FAM153A: variants seen among roughly 807,000 people sequenced by gnomAD.
The protein encoded by FAM153A is protein FAM153A.
In FAM153A, 12 loss-of-function variants were observed where a neutral mutation model predicts 48.1. That is an observed-to-expected ratio of 0.25 (90% CI 0.16 to 0.40). The LOEUF (loss-of-function observed/expected upper bound fraction) is 0.40, where lower values mean the gene tolerates loss of function less well. Ranked by LOEUF, FAM153A falls within the 10% of genes least tolerant of loss-of-function variation. The pLI is 1.00. For synonymous variants in FAM153A, 36 were observed against 118.2 expected (o/e 0.30, Z 4.51); for missense variants, 111 against 345.8 (o/e 0.32, Z 5.38).
intron 1 of FAM153A, among the ~76,000 whole-genome samples, chr5:177,772,654 A>C (rs1469114762): frequency 1.5e-4 from 2 of 13,410 alleles, no homozygotes; most frequent in African/African-American, 5.1e-4. Flanking sequence ...TCTGAGATCA[A>C]ACTGCAAGGC....
downstream of FAM153A, among the ~76,000 whole-genome samples, chr5:177,706,481 G>A (rs1470374355): frequency 1.3e-5 from 2 of 151,984 alleles, no homozygotes; most frequent in Non-Finnish European, 2.9e-5. Flanking sequence ...TTACAGGCGT[G>A]AGCCACTGCG....
At chr5:177,718,431 A>G (rs2127574835), downstream of FAM153A, 1 of 123,200 alleles carries the variant, frequency 8.1e-6, no homozygotes, top group African/African-American at 2.8e-5. Context: ...CTGAAAAGCC[A>G]TTAAGACTGT....
chr5:177,709,188 A>C (rs535726732), downstream of FAM153A, among the ~76,000 whole-genome samples: 40 of 141,740 alleles, frequency 2.8e-4, no homozygotes, highest in Non-Finnish European at 2.4e-4. Context: ...GACATTTTCT[A>C]GTACTGCATT....
chr5:177,704,757 T>G (rs1360140673), downstream of FAM153A, among the ~76,000 whole-genome samples: 1 of 151,708 alleles, frequency 6.6e-6, no homozygotes, highest in South Asian at 2.1e-4. Context: ...CTGAGCACTT[T>G]GGGAGGCTGA....
At chr5:177,768,407 T>C (rs1768879843) in intron 1 of FAM153A, among the ~76,000 whole-genome samples, 1 of 151,136 alleles carries the variant, frequency 6.6e-6, no homozygotes, top group African/African-American at 2.4e-5. Flanking sequence ...CTCTCCAGAG[T>C]CTCCTGAATG....
downstream of FAM153A, among the ~76,000 whole-genome samples, chr5:177,705,481 C>T (rs1284242958): frequency 3.3e-5 from 5 of 151,418 alleles, no homozygotes; most frequent in East Asian, 7.7e-4. Context: ...GCCAATTAAA[C>T]CTCTTGTCTT....
At chr5:177,753,263 T>A, upstream of FAM153A, 2 of 1,524,576 alleles carry the variant, frequency 1.3e-6, no homozygotes, top group Non-Finnish European at 1.8e-6. Flanking sequence ...GTTGCCAGAA[T>A]GGCAGTTAAA....
At chr5:177,726,092 CAGTG>C (rs1256418839) in intron 18 of FAM153A, among the ~76,000 whole-genome samples, 5 of 142,156 alleles carry the variant, frequency 3.5e-5, no homozygotes, top group African/African-American at 1.4e-4. Context: ...CAGGAGCAGA[CAGTG>C]AGGACAGGAC....
At chr5:177,697,930 C>A in the FAM153A span, among the ~76,000 whole-genome samples, 1 of 137,016 alleles carries the variant, frequency 7.3e-6, no homozygotes, top group East Asian at 2.1e-4. Flanking sequence ...TAAGTTGATA[C>A]CAGCCTGTGG....
chr5:177,722,000 A>C (rs1159042848), downstream of FAM153A: 1 of 151,780 alleles, frequency 6.6e-6, no homozygotes, highest in Non-Finnish European at 1.5e-5. Flanking sequence ...CTTAAAACCG[A>C]GTAAACAAAA....
chr5:177,755,941 A>C (rs1048919946), upstream of FAM153A, among the ~76,000 whole-genome samples: 3 of 150,822 alleles, frequency 2.0e-5, no homozygotes, highest in Non-Finnish European at 4.4e-5. Context: ...CGAGCAAAAT[A>C]ACCAGCTAAC....
At chr5:177,738,902 A>G (rs970596118) in intron 10 of FAM153A, among the ~76,000 whole-genome samples, 9 of 151,186 alleles carry the variant, frequency 6.0e-5, no homozygotes, top group Non-Finnish European at 1.0e-4. Context: ...GATGCACCTC[A>G]TTCGATTTCA....
At chr5:177,728,580 T>TG (rs1407699478) in intron 18 of FAM153A, among the ~76,000 whole-genome samples, 1 of 149,640 alleles carries the variant, frequency 6.7e-6, no homozygotes, top group African/African-American at 2.5e-5. Context: ...TTTTTGTTTT[T>TG]TTTTTTGAGA....
downstream of FAM153A, among the ~76,000 whole-genome samples, chr5:177,704,999 TC>T (rs1279770510): frequency 2.1e-5 from 3 of 140,562 alleles, no homozygotes; most frequent in Non-Finnish European, 4.6e-5. Context: ...AGACTCCATC[TC>T]AAAAAAAAAA....
the FAM153A span, among the ~76,000 whole-genome samples, chr5:177,695,469 G>A: frequency 6.6e-6 from 1 of 152,162 alleles, no homozygotes; most frequent in East Asian, 1.9e-4. Context: ...CACTTAACGA[G>A]CATGCTGCCT....
chr5:177,719,349 A>G (rs1289380752), downstream of FAM153A, among the ~76,000 whole-genome samples: 1 of 146,310 alleles, frequency 6.8e-6, no homozygotes, highest in Admixed American at 6.9e-5. Context: ...GGAAGAGAGC[A>G]GGCACTTCAG....
the FAM153A span, among the ~76,000 whole-genome samples, chr5:177,700,933 C>T: frequency 6.6e-6 from 1 of 151,918 alleles, no homozygotes; most frequent in African/African-American, 2.4e-5. Flanking sequence ...TCCATGTCCC[C>T]ACCTGAATCT....
chr5:177,753,878 A>G (rs921249681), upstream of FAM153A, among the ~76,000 whole-genome samples: 2 of 151,964 alleles, frequency 1.3e-5, no homozygotes, highest in Non-Finnish European at 2.9e-5. Flanking sequence ...GGCCGAATAG[A>G]AACAGCTCCA....
intron 10 of FAM153A, among the ~76,000 whole-genome samples, chr5:177,737,898 TAACC>T (rs1561915549): frequency 1.3e-5 from 2 of 151,724 alleles, no homozygotes; most frequent in Non-Finnish European, 2.9e-5. Context: ...ATGTATTCAC[TAACC>T]TTTTGTTTTA....
Sources: gnomAD v4.1 joint callset for allele counts (sites outside exome capture counted in the v4.1 genomes callset) on GRCh38, gnomAD v4.1.1 for gene constraint, MANE v1.5 for transcripts, NCBI Gene and HGNC (gene_info 2026-07-23, HGNC 2026-07-21) for gene names.